The following RUNX1 variants were observed in gnomAD, a reference collection of about 807,000 sequenced individuals.
The protein encoded by RUNX1 is runt-related transcription factor 1.
RUNX1 carries 19 observed loss-of-function variants against 42.8 expected under a neutral mutation model. The observed-to-expected ratio is 0.44, with a 90% CI of 0.31 to 0.65. The LOEUF (loss-of-function observed/expected upper bound fraction) is 0.65. RUNX1 is among the 30% of genes least tolerant of loss of function. The probability of loss-of-function intolerance (pLI) is 0.07; values close to 1 mark genes in which losing one functional copy is unlikely to be tolerated. For synonymous variants in RUNX1, 271 were observed against 289.4 expected, an observed-to-expected ratio of 0.94 and a Z score of 0.64; for missense variants, 528 against 672.0, an observed-to-expected ratio of 0.79 and a Z score of 2.37.
At chr21:34,801,693 G>C (rs1215804137) in intron 7 of RUNX1, among the ~76,000 whole-genome samples, 3 of 152,176 alleles carry the variant, frequency 2.0e-5, no homozygotes, top group African/African-American at 4.8e-5. Context: ...CATTGCCAGT[G>C]GTGGGCCAGA....
Position 34,873,053 on chromosome 21 carries a change from T to C in RUNX1, c.508+7504A>G, listed in dbSNP as rs2057762492. ...AGAGGCAGACAAAGCCTTATTATGA[T>C]GTGAGTTAGACTAGCTCCTTACTAA... is the stretch of plus-strand genomic sequence containing the variant. On this transcript the variant is annotated intron_variant, in intron 5 of 8. Transcript: ENST00000675419. 2.0e-5 allele frequency among the ~76,000 whole-genome samples: 3 copies of C among 152,212 alleles called. No homozygotes were observed. In the South Asian group the frequency reaches 6.2e-4, roughly 32 times the overall value.
intron 2 of RUNX1, among the ~76,000 whole-genome samples, chr21:34,984,139 A>C (rs1437264310): frequency 1.3e-5 from 2 of 152,178 alleles, no homozygotes; most frequent in African/African-American, 4.8e-5. Context: ...CAAAGGGAAC[A>C]AGGTGGACCA....
intron 6 of RUNX1, among the ~76,000 whole-genome samples, chr21:34,857,396 C>T (rs944128175): frequency 1.3e-5 from 2 of 152,176 alleles, no homozygotes; most frequent in African/African-American, 4.8e-5. Context: ...GAGTCGCCAC[C>T]ATTTGTTTTC....
chr21:34,806,547 A>G (rs1315652991), intron 7 of RUNX1, among the ~76,000 whole-genome samples: 4 of 152,234 alleles, frequency 2.6e-5, no homozygotes, highest in African/African-American at 9.6e-5. Flanking sequence ...GGAGACTTCA[A>G]CAACCCTCTT....
intron 2 of RUNX1, among the ~76,000 whole-genome samples, chr21:34,928,289 ATACTGAG>A (rs2058411507): frequency 6.6e-6 from 1 of 152,216 alleles, no homozygotes; most frequent in Non-Finnish European, 1.5e-5. Flanking sequence ...CTCTAGGTTT[ATACTGAG>A]TTCTTCAAGC....
At chr21:34,963,312 C>T (rs547396144) in intron 2 of RUNX1, among the ~76,000 whole-genome samples, 17 of 152,292 alleles carry the variant, frequency 1.1e-4, no homozygotes, top group African/African-American at 3.4e-4. Flanking sequence ...CTCCTCCCCC[C>T]GGCACATCTG....
chr21:34,916,458 G>A (rs2058313001), intron 2 of RUNX1, among the ~76,000 whole-genome samples: 1 of 152,206 alleles, frequency 6.6e-6, no homozygotes, highest in South Asian at 2.1e-4. Context: ...GGAAGTGGCA[G>A]TGTGATTACC....
chr21:35,025,590 G>C (rs964066360), intron 2 of RUNX1, among the ~76,000 whole-genome samples: 5 of 152,182 alleles, frequency 3.3e-5, no homozygotes, highest in Admixed American at 1.3e-4. Flanking sequence ...CCATAAAGTT[G>C]AGTTATTCAT....
Position 34,790,156 on chromosome 21 carries a change from T to C in RUNX1, c.*1979A>G. 4.3e-6 allele frequency: 1 copy of C among 233,204 alleles called. No individual in the cohort carries two copies. The highest frequency in any genetic ancestry group is 6.1e-5 in the East Asian group (1 of 16,452). The allele number at this position is 233,204 out of a possible 1,614,324, so 14.4% of individuals were successfully genotyped here. A position where few individuals can be genotyped will look rare whatever the true frequency, so the allele number is the denominator to read the frequency against. Reference sequence around the variant, plus strand: ...AGCTCTTCTCTAGATAAGAACGACCTGACAACATAAGCTGCTTTACTCTTT... The same window carrying C: ...AGCTCTTCTCTAGATAAGAACGACCCGACAACATAAGCTGCTTTACTCTTT... On this transcript the variant is annotated 3_prime_UTR_variant, in exon 9 of 9. Coordinates refer to ENST00000675419, the MANE Select transcript of RUNX1 (RefSeq NM_001754.5).
intron 2 of RUNX1, among the ~76,000 whole-genome samples, chr21:34,956,739 A>T (rs942869535): frequency 6.6e-6 from 1 of 152,134 alleles, no homozygotes; most frequent in Non-Finnish European, 1.5e-5. Context: ...TTGCTAGAAC[A>T]TTTGAGCCCA....
At position 34,892,964 on chromosome 21, in the gene RUNX1, C is replaced by G; in HGVS notation, c.59-1G>C. 1 of 1,570,366 alleles carries G rather than the reference C, an allele frequency of 6.4e-7. No homozygotes were observed. The highest frequency in any genetic ancestry group is 8.8e-7 in the Non-Finnish European group (1 of 1,141,772). ...GAAGGATTCATTCCAAGTATGCATTCTGAAATAACAGAAAGTAGGAAAATA... is the reference window on the plus strand; with the variant it reads ...GAAGGATTCATTCCAAGTATGCATTGTGAAATAACAGAAAGTAGGAAAATA... On this transcript the variant is annotated splice_acceptor_variant, in intron 2 of 8. Coordinates refer to ENST00000675419, the MANE Select transcript of RUNX1 (RefSeq NM_001754.5). LOFTEE classifies it high-confidence loss of function.
At chr21:34,861,498 CAAGAACCCA>C (rs1483599943) in intron 5 of RUNX1, among the ~76,000 whole-genome samples, 1 of 152,164 alleles carries the variant, frequency 6.6e-6, no homozygotes, top group African/African-American at 2.4e-5. Context: ...CCCTCTCTGT[CAAGAACCCA>C]TGAAGGTTAT....
In RUNX1 at chr21:34,908,182, C is replaced by CA. The variant is rs375960633; in HGVS notation, c.59-15220dup. On this transcript the variant is annotated intron_variant, in intron 2 of 8. Transcript: ENST00000675419. ...AATCACATAAATTAAACTCCAGCCC[C>CA]AAAAAAGTCATTCGAACAGAGTAAT... Among the ~76,000 whole-genome samples, 572 of 152,176 alleles carry CA rather than the reference C, an allele frequency of 3.8e-3. 3 individuals carry two copies. The highest frequency in any genetic ancestry group is 0.031 in the Middle Eastern group (9 of 294).
intron 2 of RUNX1, among the ~76,000 whole-genome samples, chr21:34,904,505 A>T (rs1476806369): frequency 6.6e-6 from 1 of 152,232 alleles, no homozygotes; most frequent in Non-Finnish European, 1.5e-5. Flanking sequence ...AAAGAAACAG[A>T]TGATCACCAA....
chr21:34,923,366 T>C (rs932982956), intron 2 of RUNX1, among the ~76,000 whole-genome samples: 1 of 152,188 alleles, frequency 6.6e-6, no homozygotes, highest in Non-Finnish European at 1.5e-5. Context: ...AGTTCAGAAT[T>C]GGATTTGTGA....
At chr21:35,006,964 TC>T (rs1330423129) in intron 2 of RUNX1, among the ~76,000 whole-genome samples, 1 of 152,118 alleles carries the variant, frequency 6.6e-6, no homozygotes, top group Non-Finnish European at 1.5e-5. Flanking sequence ...TGTCACCCTC[TC>T]TAGGAGGTAC....
intron 2 of RUNX1, among the ~76,000 whole-genome samples, chr21:34,893,372 T>C (rs765175080): frequency 1.3e-5 from 2 of 152,196 alleles, no homozygotes; most frequent in Admixed American, 6.5e-5. Flanking sequence ...CTTCCAATGA[T>C]AGGACATTTT....
Position 35,048,916 on chromosome 21 carries a change from T to A in RUNX1, c.-17A>T. The A allele has an allele frequency of 3.1e-6, 5 of 1,612,838 alleles. No homozygotes were observed. The highest frequency in any genetic ancestry group is 4.2e-6 in the Non-Finnish European group (5 of 1,179,000). ...TGAAGCCATCGCTTCCTCCTGAAAATGCACCCTCTTCTGAAGGCGGGGGAC... is the reference window on the plus strand; with the variant it reads ...TGAAGCCATCGCTTCCTCCTGAAAAAGCACCCTCTTCTGAAGGCGGGGGAC... On this transcript the variant is annotated 5_prime_UTR_variant, in exon 2 of 9. Transcript: ENST00000675419.
chr21:34,939,552 C>T (rs1195141249), intron 2 of RUNX1, among the ~76,000 whole-genome samples: 1 of 152,172 alleles, frequency 6.6e-6, no homozygotes, highest in Non-Finnish European at 1.5e-5. Flanking sequence ...GAAAGAGGGG[C>T]CCTCTAGTCT....
Sources: gnomAD v4.1 joint callset for allele counts (sites outside exome capture counted in the v4.1 genomes callset) on GRCh38, gnomAD v4.1.1 for gene constraint, MANE v1.5 for transcripts, NCBI Gene and HGNC (gene_info 2026-07-23, HGNC 2026-07-21) for gene names.